Variants in AGPAT4 observed in about 807,000 individuals in gnomAD.
AGPAT4 encodes 1-acyl-sn-glycerol-3-phosphate acyltransferase delta.
A neutral mutation model predicts 48.0 loss-of-function variants in AGPAT4; 15 were observed. The ratio of observed to expected loss-of-function variants is 0.31; its 90% CI spans 0.21 to 0.48. The LOEUF (loss-of-function observed/expected upper bound fraction) is 0.48. AGPAT4 is among the 20% of genes least tolerant of loss of function. AGPAT4 has a pLI of 0.99. For missense variants in AGPAT4, 314 were observed against 482.5 expected, an observed-to-expected ratio of 0.65 and a Z score of 3.27; for synonymous variants, 178 against 198.7, an observed-to-expected ratio of 0.90 and a Z score of 0.88.
At position 161,217,083 on chromosome 6, in the gene AGPAT4, T is replaced by A. The variant is rs1033148363; in HGVS notation, c.178+14953A>T. ...TGTCAATTTCCGTTTAGGTGTTTTA[T>A]CATTAGGGCCTGACTCCGCGTTTCA... is the stretch of plus-strand genomic sequence containing the variant. On this transcript the variant is annotated intron_variant, in intron 2 of 8. Coordinates refer to ENST00000320285, the MANE Select transcript of AGPAT4 (RefSeq NM_020133.3). This position sits in a 1 kb window ranked among gnomAD's most constrained non-coding sequence, Gnocchi z 4.9. Among the ~76,000 whole-genome samples, 9 of 152,190 alleles carry A rather than the reference T, an allele frequency of 5.9e-5. No individual in the cohort carries two copies. The highest frequency in any genetic ancestry group is 2.2e-4 in the African/African-American group (9 of 41,452).
rs542934652 is a variant in AGPAT4, at chr6:161,137,528, C to G, written c.1043-894G>C. On this transcript the variant is annotated intron_variant, in intron 8 of 8. Transcript: ENST00000320285. The surrounding 1 kb of genome is among the most constrained non-coding windows in gnomAD (Gnocchi z 6.1). ...CAGGAGGCACGCATCTCCCATGGGTCATTTACAAACTGGAGGGCTCCTGCA... is the reference window on the plus strand; with the variant it reads ...CAGGAGGCACGCATCTCCCATGGGTGATTTACAAACTGGAGGGCTCCTGCA... Among the ~76,000 whole-genome samples the G allele has an allele frequency of 4.3e-3, 653 of 152,316 alleles. 3 individuals carry two copies. Among genetic ancestry groups the G allele is most frequent in the South Asian group, 0.01 (50 of 4,820 alleles).
Position 161,202,337 on chromosome 6 carries a change from G to A in AGPAT4, c.178+29699C>T, listed in dbSNP as rs543354032. On this transcript the variant is annotated intron_variant, in intron 2 of 8. Transcript: ENST00000320285. The surrounding 1 kb of genome is among the most constrained non-coding windows in gnomAD (Gnocchi z 5.4). The stretch of plus-strand genomic sequence containing the variant: ...TCTCAATTCCTCTTCTCATGGGCCC[G>A]TCTGAGTGATGCCTGAATGTCTTCA... 2.0e-4 allele frequency among the ~76,000 whole-genome samples: 31 copies of A among 151,978 alleles called. No homozygotes were observed. In the Middle Eastern group the frequency reaches 0.017, roughly 84 times the overall value.
rs1320783342 is a variant in AGPAT4 at position 161,198,180 on chromosome 6, T to C, written c.179-31763A>G. 6.6e-6 allele frequency among the ~76,000 whole-genome samples: 1 copy of C among 152,242 alleles called. No individual in the cohort carries two copies. On this transcript the variant is annotated intron_variant, in intron 2 of 8. Transcript: ENST00000320285. The surrounding 1 kb of genome is among the most constrained non-coding windows in gnomAD (Gnocchi z 4.3). Reference sequence around the variant, plus strand: ...TCTTATTCTCAATATTAAAAGTGGATATGCAAAAGATATTTATATTCTTTC... The same window carrying C: ...TCTTATTCTCAATATTAAAAGTGGACATGCAAAAGATATTTATATTCTTTC...
intron 1 of AGPAT4, among the ~76,000 whole-genome samples, chr6:161,258,267 A>C (rs768320482): frequency 1.2e-4 from 19 of 152,226 alleles, no homozygotes; most frequent in Non-Finnish European, 2.6e-4. Flanking sequence ...CAATAACGGA[A>C]GTAACTCAAA....
rs1782067622 is a variant in AGPAT4, at chr6:161,229,493, G to C, written c.178+2543C>G. Among the ~76,000 whole-genome samples the C allele has an allele frequency of 6.6e-6, 1 of 152,124 alleles. No homozygotes were observed. Among genetic ancestry groups the C allele is most frequent in the Middle Eastern group, 3.4e-3 (1 of 294 alleles). ...CTAAACACTCTTTTTACATGGCCTT[G>C]GTTACTGTGAAATAATTGACAGAGG... On this transcript the variant is annotated intron_variant, in intron 2 of 8. Coordinates refer to ENST00000320285, the MANE Select transcript of AGPAT4 (RefSeq NM_020133.3). This position sits in a 1 kb window ranked among gnomAD's most constrained non-coding sequence, Gnocchi z 6.0.
Position 161,249,453 on chromosome 6 carries a change from TTAAA to T in AGPAT4, c.-89-17155_-89-17152del, listed in dbSNP as rs1343435370. 6.6e-6 allele frequency among the ~76,000 whole-genome samples: 1 copy of T among 152,136 alleles called. No individual in the cohort carries two copies. The highest frequency in any genetic ancestry group is 6.6e-5 in the Admixed American group (1 of 15,266). On this transcript the variant is annotated intron_variant, in intron 1 of 8. Transcript: ENST00000320285. This position sits in a 1 kb window ranked among gnomAD's most constrained non-coding sequence, Gnocchi z 6.2. The stretch of plus-strand genomic sequence containing the variant: ...CTAAAATCCAGCATCCATAAGGAAC[TTAAA>T]TAAATTTACGAGAAAAAACACACAA...
rs1244681954 is a variant in AGPAT4, at chr6:161,220,506, A to G, written c.178+11530T>C. On this transcript the variant is annotated intron_variant, in intron 2 of 8. Transcript: ENST00000320285. The surrounding 1 kb of genome is among the most constrained non-coding windows in gnomAD (Gnocchi z 6.0). ...CAACAGAACGGATGGCCTTGGTGAG[A>G]TGACTTCATTTTATAGTTCCTCAAG... Among the ~76,000 whole-genome samples, 1 of 152,172 alleles carries G rather than the reference A, an allele frequency of 6.6e-6. No homozygotes were observed.
chr6:161,227,722 T>C (rs1782019849), intron 2 of AGPAT4, among the ~76,000 whole-genome samples: 1 of 152,216 alleles, frequency 6.6e-6, no homozygotes, highest in African/African-American at 2.4e-5. Context: ...TCCTGAAGTA[T>C]GTTACAAATG....
chr6:161,228,087 C>T lies in AGPAT4; in HGVS notation c.178+3949G>A, dbSNP rs529942138. On this transcript the variant is annotated intron_variant, in intron 2 of 8. Transcript: ENST00000320285. ...CCACCGGTCCCCCTGACTCTTCCTC[C>T]TCCCCTGGACACAAATTCCAATTTC... is the stretch of plus-strand genomic sequence containing the variant. 5.3e-5 allele frequency among the ~76,000 whole-genome samples: 8 copies of T among 152,302 alleles called. No individual in the cohort carries two copies. In the East Asian group the frequency reaches 1.4e-3, roughly 26 times the overall value.
At position 161,154,115 on chromosome 6, in the gene AGPAT4, C is replaced by A. The variant is rs1562315263; in HGVS notation, c.510+34G>T. 7.4e-6 allele frequency: 12 copies of A among 1,613,602 alleles called. No individual in the cohort carries two copies. Among genetic ancestry groups the A allele is most frequent in the Non-Finnish European group, 1.0e-5 (12 of 1,179,924 alleles). ...TCCCACGGTCACAGTCCTGCAGGAG[C>A]CCTTGGGACACAGCTGCTCTGGTGC... On this transcript the variant is annotated intron_variant, in intron 4 of 8. Transcript: ENST00000320285. This position sits in a 1 kb window ranked among gnomAD's most constrained non-coding sequence, Gnocchi z 7.8.
In AGPAT4 at chr6:161,146,019, A is replaced by T. The variant is rs1364724169; in HGVS notation, c.843+505T>A. On this transcript the variant is annotated intron_variant, in intron 7 of 8. Coordinates refer to ENST00000320285, the MANE Select transcript of AGPAT4 (RefSeq NM_020133.3). The surrounding 1 kb of genome is among the most constrained non-coding windows in gnomAD (Gnocchi z 7.1). ...GCCTTGCTCAGAGAAAGGACAGAAC[A>T]AGTAGGGGGACCCTGGAGAACTGGA... Among the ~76,000 whole-genome samples, 1 of 151,704 alleles carries T rather than the reference A, an allele frequency of 6.6e-6. No individual in the cohort carries two copies. Among genetic ancestry groups the T allele is most frequent in the Non-Finnish European group, 1.5e-5 (1 of 68,040 alleles).
Position 161,272,492 on chromosome 6 carries a change from A to G in AGPAT4, c.-90+1446T>C, listed in dbSNP as rs1211320529. Among the ~76,000 whole-genome samples the G allele has an allele frequency of 7.1e-6, 1 of 140,338 alleles. No individual in the cohort carries two copies. The highest frequency in any genetic ancestry group is 1.5e-5 in the Non-Finnish European group (1 of 66,098). The allele number at this position is 140,338 out of a possible 152,430, so 92.1% of individuals were successfully genotyped here. A position where few individuals can be genotyped will look rare whatever the true frequency, so the allele number is the denominator to read the frequency against. ...GAATAAAAGCATCAGTTTAGCCGGTACCTGTTAAGAGGCTATGTCTTTCTA... is the reference window on the plus strand; with the variant it reads ...GAATAAAAGCATCAGTTTAGCCGGTGCCTGTTAAGAGGCTATGTCTTTCTA... On this transcript the variant is annotated intron_variant, in intron 1 of 8. Transcript: ENST00000320285. This position sits in a 1 kb window ranked among gnomAD's most constrained non-coding sequence, Gnocchi z 4.2.
rs1179761534 is a variant in AGPAT4, at chr6:161,130,881, C to T, written c.*5659G>A. On this transcript the variant is annotated 3_prime_UTR_variant, in exon 9 of 9. Transcript: ENST00000320285. Reference sequence around the variant, plus strand: ...TCCTTCCTCATGATCTGCAAAGATACAGAGAGAATGGCATTCCAAAATTCC... The same window carrying T: ...TCCTTCCTCATGATCTGCAAAGATATAGAGAGAATGGCATTCCAAAATTCC... 1 of 519,004 alleles carries T rather than the reference C, an allele frequency of 1.9e-6. No homozygotes were observed. The highest frequency in any genetic ancestry group is 5.5e-5 in the East Asian group (1 of 18,348). 32.1% of individuals were successfully genotyped at this position (519,004 alleles called of 1,614,324 possible).
chr6:161,136,694 C>T (rs190993251), intron 8 of AGPAT4, 60 bp from the exon 9 acceptor site: 10 of 1,491,138 alleles, frequency 6.7e-6, no homozygotes, highest in Non-Finnish European at 9.4e-6. Context: ...GGCCGTTTTC[C>T]CACAGAGCAA....
Position 161,158,768 on chromosome 6 carries a change from A to G in AGPAT4, c.349-4458T>C, listed in dbSNP as rs181885740. Among the ~76,000 whole-genome samples, 7 of 152,348 alleles carry G rather than the reference A, an allele frequency of 4.6e-5. No homozygotes were observed. In the East Asian group the frequency reaches 1.4e-3, roughly 29 times the overall value. ...GGCCATTCTAGTTAAGGTTTTCTCC[A>G]AAATGGCTACTCATCAAGGCTTCAG... is the stretch of plus-strand genomic sequence containing the variant. On this transcript the variant is annotated intron_variant, in intron 3 of 8. Transcript: ENST00000320285. The surrounding 1 kb of genome is among the most constrained non-coding windows in gnomAD (Gnocchi z 5.3).
chr6:161,265,654 T>C (rs1367313790), intron 1 of AGPAT4, among the ~76,000 whole-genome samples: 1 of 152,146 alleles, frequency 6.6e-6, no homozygotes, highest in African/African-American at 2.4e-5. Flanking sequence ...GTTAATCTGT[T>C]CACTCCAGAG....
At position 161,146,469 on chromosome 6, in the gene AGPAT4, C is replaced by G; in HGVS notation, c.843+55G>C. 6.4e-7 allele frequency: 1 copy of G among 1,573,782 alleles called. No homozygotes were observed. Among genetic ancestry groups the G allele is most frequent in the South Asian group, 1.1e-5 (1 of 89,870 alleles). On this transcript the variant is annotated intron_variant, in intron 7 of 8. Coordinates refer to ENST00000320285, the MANE Select transcript of AGPAT4 (RefSeq NM_020133.3). The surrounding 1 kb of genome is among the most constrained non-coding windows in gnomAD (Gnocchi z 7.1). Reference sequence around the variant, plus strand: ...GGCCTGCTACCACACAACACAGCCACACGGCGCACCCACAGCTGCAACGTG... The same window carrying G: ...GGCCTGCTACCACACAACACAGCCAGACGGCGCACCCACAGCTGCAACGTG...
rs535135380 is a variant in AGPAT4 at position 161,221,053 on chromosome 6, G to A, written c.178+10983C>T. Reference sequence around the variant, plus strand: ...CCCGCCTCAGCCTCCCAAAGTGCTGGATTACAGGCATGAGCCACCGCACCC... The same window carrying A: ...CCCGCCTCAGCCTCCCAAAGTGCTGAATTACAGGCATGAGCCACCGCACCC... On this transcript the variant is annotated intron_variant, in intron 2 of 8. Transcript: ENST00000320285. This position sits in a 1 kb window ranked among gnomAD's most constrained non-coding sequence, Gnocchi z 4.5. Among the ~76,000 whole-genome samples, 34 of 152,254 alleles carry A rather than the reference G, an allele frequency of 2.2e-4. No homozygotes were observed. Among genetic ancestry groups the A allele is most frequent in the African/African-American group, 7.2e-4 (30 of 41,550 alleles).
rs755475313 is a variant in AGPAT4 at position 161,146,158 on chromosome 6, T to C, written c.843+366A>G. On this transcript the variant is annotated intron_variant, in intron 7 of 8. Transcript: ENST00000320285. The surrounding 1 kb of genome is among the most constrained non-coding windows in gnomAD (Gnocchi z 7.1). The stretch of plus-strand genomic sequence containing the variant: ...ATTCTGGAGATGCTTTGAGATCAGA[T>C]TGACAACCAAATTGTTGATCCAGAA... Among the ~76,000 whole-genome samples the C allele has an allele frequency of 6.9e-4, 104 of 151,604 alleles. 2 individuals carry two copies. The highest frequency in any genetic ancestry group is 5.6e-4 in the Non-Finnish European group (38 of 68,018).
Sources: gnomAD v4.1 joint callset for allele counts (sites outside exome capture counted in the v4.1 genomes callset) on GRCh38, gnomAD v4.1.1 for gene constraint, Gnocchi (gnomAD v3.1) non-coding constraint, MANE v1.5 for transcripts, NCBI Gene and HGNC (gene_info 2026-07-23, HGNC 2026-07-21) for gene names.